ATP8A2: variants seen among roughly 807,000 people sequenced by gnomAD.
The protein encoded by ATP8A2 is phospholipid-transporting ATPase IB.
In ATP8A2, 100 loss-of-function variants were observed where a neutral mutation model predicts 165.6. The ratio of observed to expected loss-of-function variants is 0.60; its 90% CI spans 0.51 to 0.71. The LOEUF is 0.71. ATP8A2 is among the 30% of genes least tolerant of loss of function. The pLI, the probability that ATP8A2 is intolerant of heterozygous loss-of-function variation, is 0.00. For synonymous variants in ATP8A2, 543 were observed against 548.8 expected (o/e 0.99, Z 0.15); for missense variants, 1,227 against 1,479.5 (o/e 0.83, Z 2.80).
chr13:25,537,927 C>T (rs942334264), intron 6 of ATP8A2, 61 bp from the exon 7 acceptor site: 1 of 1,187,390 alleles, frequency 8.4e-7, no homozygotes. Flanking sequence ...GCACCTTTTT[C>T]ACCATGTGTG....
At chr13:25,678,603 C>T (rs557343188) in intron 24 of ATP8A2, among the ~76,000 whole-genome samples, 1 of 152,248 alleles carries the variant, frequency 6.6e-6, no homozygotes, top group African/African-American at 2.4e-5. Context: ...TGCAACACAG[C>T]TCCTGGGTGG....
chr13:25,736,659 A>G (rs2043776228), intron 25 of ATP8A2, among the ~76,000 whole-genome samples: 1 of 152,206 alleles, frequency 6.6e-6, no homozygotes, highest in Non-Finnish European at 1.5e-5. Context: ...AGAAGTTCCC[A>G]TGGACAGTAC....
intron 25 of ATP8A2, among the ~76,000 whole-genome samples, chr13:25,752,936 C>T (rs2044183342): frequency 6.6e-6 from 1 of 152,152 alleles, no homozygotes; most frequent in Non-Finnish European, 1.5e-5. Flanking sequence ...TGTCTTTGAG[C>T]TATGTGTGAT....
intron 1 of ATP8A2, among the ~76,000 whole-genome samples, chr13:25,381,544 T>C (rs1048910509): frequency 6.6e-6 from 1 of 152,214 alleles, no homozygotes; most frequent in Non-Finnish European, 1.5e-5. Context: ...TTTTTAGGCA[T>C]TTCTTTTAAA....
chr13:25,886,573 C>G (rs566784461), intron 33 of ATP8A2, among the ~76,000 whole-genome samples: 136 of 152,336 alleles, frequency 8.9e-4, no homozygotes, highest in African/African-American at 3.2e-3. Context: ...TGGTTTCACC[C>G]GCTCCATGTG....
rs117155521 is a variant in ATP8A2 at position 25,501,149 on chromosome 13, G to T, written c.222-28850G>T. Among the ~76,000 whole-genome samples the T allele has an allele frequency of 6.1e-4, 93 of 152,274 alleles. No individual in the cohort carries two copies. In the East Asian group the frequency reaches 0.017, roughly 27 times the overall value. On this transcript the variant is annotated intron_variant, in intron 2 of 36. Coordinates refer to ENST00000381655, the MANE Select transcript of ATP8A2 (RefSeq NM_016529.6). ...AAGTCATGTGTTTAAAAATGTACCT[G>T]GGATTCGTTTTAATCGAGTATGGTA...
intron 27 of ATP8A2, among the ~76,000 whole-genome samples, chr13:25,778,947 A>G (rs2044806335): frequency 6.6e-6 from 1 of 152,180 alleles, no homozygotes; most frequent in African/African-American, 2.4e-5. Flanking sequence ...TGTCTCCCAT[A>G]GACGGTGACC....
At chr13:25,762,472 A>C (rs372806467) in intron 25 of ATP8A2, among the ~76,000 whole-genome samples, 1 of 152,146 alleles carries the variant, frequency 6.6e-6, no homozygotes, top group Admixed American at 6.6e-5. Context: ...AGAGGTGGCC[A>C]GTCATTTATG....
intron 24 of ATP8A2, among the ~76,000 whole-genome samples, chr13:25,630,834 T>A (rs1190129247): frequency 2.0e-5 from 3 of 150,878 alleles, no homozygotes; most frequent in Non-Finnish European, 4.4e-5. Context: ...GCATCATCTA[T>A]TAAAAAAAAA....
At chr13:25,595,030 G>GTATATA (rs1311497558) in intron 24 of ATP8A2, among the ~76,000 whole-genome samples, 3 of 146,646 alleles carry the variant, frequency 2.0e-5, no homozygotes, top group Non-Finnish European at 4.5e-5. Context: ...ATATGTATAT[G>GTATATA]TATATATATA....
intron 24 of ATP8A2, among the ~76,000 whole-genome samples, chr13:25,622,374 TGAG>T (rs1212757718): frequency 2.0e-5 from 3 of 152,012 alleles, no homozygotes; most frequent in Admixed American, 1.3e-4. Flanking sequence ...AGAGGAATGA[TGAG>T]GAGCAGAAGG....
intron 33 of ATP8A2, among the ~76,000 whole-genome samples, chr13:25,935,972 T>TA (rs957374503): frequency 2.2e-4 from 33 of 152,254 alleles, no homozygotes; most frequent in Non-Finnish European, 4.1e-4. Context: ...TTTTGAATGT[T>TA]ACCATAAACA....
chr13:26,010,258 T>C (rs1956818448), intron 35 of ATP8A2, among the ~76,000 whole-genome samples: 1 of 152,140 alleles, frequency 6.6e-6, no homozygotes, highest in Non-Finnish European at 1.5e-5. Flanking sequence ...ATGTATAATT[T>C]CAATGATCCC....
At chr13:25,863,179 G>A (rs1409530301) in intron 33 of ATP8A2, 1 of 152,272 alleles carries the variant, frequency 6.6e-6, no homozygotes, top group Non-Finnish European at 1.5e-5. Flanking sequence ...TAAACCCCAA[G>A]AGGCTGCTGG....
At chr13:25,822,188 C>T (rs186326819) in intron 27 of ATP8A2, among the ~76,000 whole-genome samples, 1 of 152,098 alleles carries the variant, frequency 6.6e-6, no homozygotes, top group East Asian at 1.9e-4. Context: ...CAGGATGAGC[C>T]GTAATTTCTT....
At chr13:25,839,805 C>T (rs1951712990) in intron 30 of ATP8A2, among the ~76,000 whole-genome samples, 181 bp downstream of exon 30, 1 of 152,162 alleles carries the variant, frequency 6.6e-6, no homozygotes, top group Non-Finnish European at 1.5e-5. Flanking sequence ...TAGGTTTCAT[C>T]AGTTCTGGCC....
chr13:25,496,255 G>A (rs868749152), intron 2 of ATP8A2, among the ~76,000 whole-genome samples: 1 of 152,096 alleles, frequency 6.6e-6, no homozygotes, highest in Non-Finnish European at 1.5e-5. Context: ...AGGATTGGGA[G>A]CATCTTGGCA....
rs1198945867 is a variant in ATP8A2, at chr13:25,862,310, C to A, written c.3085C>A (p.Leu1029Met). The change falls in exon 33 of 37, where the codon CTG (leucine) becomes ATG (methionine). Residue 1029 changes from leucine (L) to methionine (M), a missense_variant. Coordinates refer to ENST00000381655, the MANE Select transcript of ATP8A2 (RefSeq NM_016529.6). ...CTATTTCCCTCTGCAGTTCAGTCAT[C>A]TGGCTGTCTGGGGAAGCATGCTGAC... ...ETTAWTKFSH[L>M]AVWGSMLTWL... 6.2e-7 allele frequency: 1 copy of A among 1,613,818 alleles called. No homozygotes were observed. Among genetic ancestry groups the A allele is most frequent in the African/African-American group, 1.3e-5 (1 of 74,918 alleles).
At chr13:25,421,150 A>G (rs1233884827) in intron 1 of ATP8A2, among the ~76,000 whole-genome samples, 1 of 152,228 alleles carries the variant, frequency 6.6e-6, no homozygotes, top group East Asian at 1.9e-4. Flanking sequence ...GCACAGATTA[A>G]AAATCATTTC....
Sources: allele counts gnomAD v4.1 joint callset (sites outside exome capture counted in the v4.1 genomes callset), GRCh38; gene constraint gnomAD v4.1.1; transcripts MANE v1.5; gene names NCBI Gene and HGNC (gene_info 2026-07-23, HGNC 2026-07-21).